Variants in THSD7B observed in about 807,000 individuals in gnomAD.
THSD7B encodes thrombospondin type-1 domain-containing protein 7B.
A neutral mutation model predicts 213.6 loss-of-function variants in THSD7B; 138 were observed. That is an observed-to-expected ratio of 0.65 (90% CI 0.56 to 0.74). The LOEUF (loss-of-function observed/expected upper bound fraction) is 0.74. THSD7B is among the 30% of genes least tolerant of loss of function. THSD7B has a pLI of 0.00. For synonymous variants in THSD7B, 742 were observed against 687.0 expected, an observed-to-expected ratio of 1.08 and a Z score of -1.25; for missense variants, 1,931 against 1,991.5, an observed-to-expected ratio of 0.97 and a Z score of 0.58.
At chr2:137,453,326 C>CTTTA in intron 15 of THSD7B, among the ~76,000 whole-genome samples, 1 of 96,844 alleles carries the variant, frequency 1.0e-5, no homozygotes, top group East Asian at 3.1e-4. Context: ...TTGAAATTTA[C>CTTTA]TTTTTTTTTT....
chr2:136,795,497 TATC>T (rs755252084), intron 1 of THSD7B, among the ~76,000 whole-genome samples: 59 of 152,000 alleles, frequency 3.9e-4, no homozygotes, highest in Non-Finnish European at 7.7e-4. Flanking sequence ...CTGTGTGAGG[TATC>T]ATATCCACAG....
Position 137,590,792 on chromosome 2 carries a change from G to GTTTTTTTTTTTTTTTTTTTTTTT in THSD7B, c.3423+18257_3423+18258insTTTTTTTTTTTTTTTTTTTTTTT, listed in dbSNP as rs1215185747. Among the ~76,000 whole-genome samples, 38 of 88,702 alleles carry GTTTTTTTTTTTTTTTTTTTTTTT rather than the reference G, an allele frequency of 4.3e-4. 5 individuals are homozygous for GTTTTTTTTTTTTTTTTTTTTTTT. Among genetic ancestry groups the GTTTTTTTTTTTTTTTTTTTTTTT allele is most frequent in the African/African-American group, 6.1e-4 (15 of 24,582 alleles). 58.2% of individuals were successfully genotyped at this position (88,702 alleles called of 152,430 possible). Reference sequence around the variant, plus strand: ...GCATTTTTCCCTCTGCTTTGAAATAGTTTTTTTTTTTTTTTTTTTTTAGCT... The same window carrying GTTTTTTTTTTTTTTTTTTTTTTT: ...GCATTTTTCCCTCTGCTTTGAAATAGTTTTTTTTTTTTTTTTTTTTTTTTTTTTTTTTTTTTTTTTTTTTAGCT... On this transcript the variant is annotated intron_variant, in intron 17 of 27. Transcript: ENST00000409968.
At chr2:137,034,172 C>T (rs532516900) in intron 2 of THSD7B, among the ~76,000 whole-genome samples, 1 of 152,144 alleles carries the variant, frequency 6.6e-6, no homozygotes, top group East Asian at 1.9e-4. Context: ...TGTATATGTA[C>T]CACATTTTCT....
intron 12 of THSD7B, among the ~76,000 whole-genome samples, chr2:137,320,499 A>G (rs1684239857): frequency 6.6e-6 from 1 of 152,190 alleles, no homozygotes; most frequent in Admixed American, 6.5e-5. Flanking sequence ...TTTGTCCTTT[A>G]TAAAGCCTTA....
intron 15 of THSD7B, among the ~76,000 whole-genome samples, chr2:137,557,060 C>A (rs1680986824): frequency 6.6e-6 from 1 of 152,144 alleles, no homozygotes; most frequent in Admixed American, 6.5e-5. Context: ...TAGAGACCTA[C>A]AAAGAGACTT....
chr2:137,141,069 G>A (rs1225268246), intron 5 of THSD7B, among the ~76,000 whole-genome samples: 1 of 152,178 alleles, frequency 6.6e-6, no homozygotes, highest in Non-Finnish European at 1.5e-5. Context: ...TTCCTGGAAT[G>A]TTCCCCAAGG....
At chr2:137,125,291 CCT>C (rs1177045618) in intron 5 of THSD7B, among the ~76,000 whole-genome samples, 1 of 152,174 alleles carries the variant, frequency 6.6e-6, no homozygotes, top group East Asian at 1.9e-4. Flanking sequence ...TGGAGTCAAT[CCT>C]CTCAAACCCT....
Position 136,895,540 on chromosome 2 carries a change from T to TTTA in THSD7B, c.139+13223_139+13224insTTA, listed in dbSNP as rs1553456267. On this transcript the variant is annotated intron_variant, in intron 2 of 27. Coordinates refer to ENST00000409968, the MANE Select transcript of THSD7B (RefSeq NM_001316349.2). Reference sequence around the variant, plus strand: ...TTTTTTTTTTTTTTTTTTTTTTTTTTACAGAATTCCATGCTATTACAATAC... The same window carrying TTTA: ...TTTTTTTTTTTTTTTTTTTTTTTTTTTTAACAGAATTCCATGCTATTACAATAC... Among the ~76,000 whole-genome samples the TTTA allele has an allele frequency of 2.4e-4, 34 of 144,384 alleles. 1 individual carries two copies. Among genetic ancestry groups the TTTA allele is most frequent in the East Asian group, 2.1e-3 (9 of 4,342 alleles). The allele number at this position is 144,384 out of a possible 152,430, so 94.7% of individuals were successfully genotyped here. A position where few individuals can be genotyped will look rare whatever the true frequency, so the allele number is the denominator to read the frequency against.
chr2:137,451,145 GA>G, intron 15 of THSD7B, 122 bp downstream of exon 15: 1 of 1,082,022 alleles, frequency 9.2e-7, no homozygotes, highest in Non-Finnish European at 1.2e-6. Context: ...AATGTCAGAA[GA>G]AGGATTAAGA....
intron 3 of THSD7B, among the ~76,000 whole-genome samples, chr2:137,076,102 C>G (rs976056034): frequency 2.0e-5 from 3 of 152,192 alleles, no homozygotes; most frequent in African/African-American, 7.2e-5. Flanking sequence ...AACCACTGCT[C>G]TCTTCAAAGC....
chr2:137,243,372 C>G (rs1681957525), intron 10 of THSD7B, among the ~76,000 whole-genome samples: 1 of 152,178 alleles, frequency 6.6e-6, no homozygotes, highest in South Asian at 2.1e-4. Context: ...TGCATGGTTA[C>G]AAAAGGCAAA....
chr2:136,785,004 A>C (rs1199679183), intron 1 of THSD7B, among the ~76,000 whole-genome samples: 1 of 152,164 alleles, frequency 6.6e-6, no homozygotes, highest in Non-Finnish European at 1.5e-5. Context: ...CTCTCTCTCT[A>C]TATTTTAATC....
At chr2:137,342,016 A>G (rs998384647) in intron 12 of THSD7B, among the ~76,000 whole-genome samples, 2 of 151,328 alleles carry the variant, frequency 1.3e-5, no homozygotes, top group African/African-American at 2.4e-5. Flanking sequence ...GTTTTTTTCT[A>G]TGCCTATATG....
intron 1 of THSD7B, among the ~76,000 whole-genome samples, chr2:136,768,101 C>T (rs1207749696): frequency 2.6e-5 from 4 of 152,076 alleles, no homozygotes; most frequent in South Asian, 2.1e-4. Context: ...CTGAGTGTGC[C>T]TTTTGAGAGA....
intron 2 of THSD7B, among the ~76,000 whole-genome samples, chr2:136,932,955 C>G (rs1053046010): frequency 1.3e-5 from 2 of 151,940 alleles, no homozygotes; most frequent in East Asian, 3.9e-4. Context: ...GCAGTAGGGT[C>G]GACTTGGTGC....
rs138602247 is a variant in THSD7B, at chr2:136,942,033, C to T, written c.139+59716C>T. 5.8e-3 allele frequency among the ~76,000 whole-genome samples: 889 copies of T among 152,078 alleles called. 10 individuals are homozygous for T. The highest frequency in any genetic ancestry group is 0.02 in the African/African-American group (812 of 41,528). ...TGAATTAATTTTTGTATAAGGTGTACGGAAGGGATCCAGTTTCAGCTTTCT... is the reference window on the plus strand; with the variant it reads ...TGAATTAATTTTTGTATAAGGTGTATGGAAGGGATCCAGTTTCAGCTTTCT... On this transcript the variant is annotated intron_variant, in intron 2 of 27. Transcript: ENST00000409968.
At chr2:136,880,123 A>G (rs1453705715) in intron 1 of THSD7B, among the ~76,000 whole-genome samples, 1 of 152,162 alleles carries the variant, frequency 6.6e-6, no homozygotes, top group East Asian at 1.9e-4. Flanking sequence ...GACCTAATAG[A>G]CATCTACAGA....
chr2:137,511,357 C>T (rs982113971), intron 15 of THSD7B, among the ~76,000 whole-genome samples: 5 of 152,158 alleles, frequency 3.3e-5, no homozygotes, highest in African/African-American at 1.2e-4. Context: ...TGTTTCTCTG[C>T]ATGACTAGTA....
rs535443361 is a variant in THSD7B at position 137,460,202 on chromosome 2, C to G, written c.3138+9179C>G. 2.0e-5 allele frequency among the ~76,000 whole-genome samples: 3 copies of G among 152,250 alleles called. No individual in the cohort carries two copies. In the East Asian group the frequency reaches 5.8e-4, roughly 29 times the overall value. ...GTACATTAAGTGGTTAAGACTCAAT[C>G]AGTTCTCTTTCCAAATTGAACTTTT... On this transcript the variant is annotated intron_variant, in intron 15 of 27. Transcript: ENST00000409968.
Sources: allele counts gnomAD v4.1 joint callset (sites outside exome capture counted in the v4.1 genomes callset), GRCh38; gene constraint gnomAD v4.1.1; transcripts MANE v1.5; gene names NCBI Gene and HGNC (gene_info 2026-07-23, HGNC 2026-07-21).